ZNF516: variants seen among roughly 807,000 people sequenced by gnomAD.
ZNF516 encodes zinc finger protein 516.
A neutral mutation model predicts 79.7 loss-of-function variants in ZNF516; 19 were observed. The ratio of observed to expected loss-of-function variants is 0.24; its 90% confidence interval spans 0.17 to 0.35. The LOEUF (loss-of-function observed/expected upper bound fraction) is 0.35. Among genes scored for constraint, ZNF516 ranks in the 10% least tolerant of loss-of-function variants. ZNF516 has a pLI of 1.00. For synonymous variants in ZNF516, 877 were observed against 739.5 expected, an observed-to-expected ratio of 1.19 and a Z score of -3.02; for missense variants, 1,678 against 1,679.5, an observed-to-expected ratio of 1.00 and a Z score of 0.02.
chr18:76,473,355 C>CAA (rs35092154), intron 1 of ZNF516, among the ~76,000 whole-genome samples: 1,068 of 87,282 alleles, frequency 0.012, no homozygotes, highest in East Asian at 0.018. Flanking sequence ...TTGCTCTCTG[C>CAA]AAAAAAAAAA....
upstream of ZNF516, chr18:76,495,658 G>A: frequency 3.6e-6 from 4 of 1,111,042 alleles, no homozygotes; most frequent in South Asian, 1.5e-5. Flanking sequence ...CCGGCTCCCG[G>A]AGGCCGTTTC....
In ZNF516 at chr18:76,486,791, C is replaced by G. The variant is rs865927421; in HGVS notation, c.-272+8353G>C. Among the ~76,000 whole-genome samples, 15 of 151,966 alleles carry G rather than the reference C, an allele frequency of 9.9e-5. 1 individual carries two copies. The highest frequency in any genetic ancestry group is 2.1e-4 in the South Asian group (1 of 4,828). ...CAGTTGAGGAACTGTCTGGATTTCA[C>G]AATTACATACGATATACATCTCTTC... On this transcript the variant is annotated intron_variant, in intron 1 of 6. Transcript: ENST00000443185.
At chr18:76,397,258 A>G (rs2075160030) in intron 3 of ZNF516, among the ~76,000 whole-genome samples, 1 of 152,208 alleles carries the variant, frequency 6.6e-6, no homozygotes, top group African/African-American at 2.4e-5. Flanking sequence ...ATACAGAATA[A>G]TAAACGCTGC....
At chr18:76,450,186 G>GT (rs967762290) in intron 2 of ZNF516, among the ~76,000 whole-genome samples, 2 of 141,254 alleles carry the variant, frequency 1.4e-5, no homozygotes, top group African/African-American at 2.6e-5. Flanking sequence ...GAAACTAAAG[G>GT]GGGGGGGGTG....
intron 3 of ZNF516, among the ~76,000 whole-genome samples, chr18:76,390,630 G>A (rs979574905): frequency 9.2e-5 from 14 of 152,200 alleles, no homozygotes; most frequent in Admixed American, 8.5e-4. Flanking sequence ...AGTCTCCGAG[G>A]AAACGAGGGG....
intron 3 of ZNF516, among the ~76,000 whole-genome samples, chr18:76,384,258 C>T (rs1317368187): frequency 6.6e-6 from 1 of 151,388 alleles, no homozygotes; most frequent in Admixed American, 6.6e-5. Context: ...ACCCGTGCCC[C>T]CTCCACGGCC....
intron 3 of ZNF516, among the ~76,000 whole-genome samples, chr18:76,417,021 G>T (rs562277704): frequency 6.6e-6 from 1 of 152,184 alleles, no homozygotes; most frequent in African/African-American, 2.4e-5. Context: ...AGAATACAGG[G>T]TCAGGGCGAT....
chr18:76,479,485 G>C (rs2145772874), intron 1 of ZNF516, among the ~76,000 whole-genome samples: 1 of 152,284 alleles, frequency 6.6e-6, no homozygotes, highest in South Asian at 2.1e-4. Context: ...TGTCCCTGGG[G>C]CACGGTCCTC....
At chr18:76,438,533 C>CT (rs1253229512) in intron 3 of ZNF516, among the ~76,000 whole-genome samples, 2 of 152,144 alleles carry the variant, frequency 1.3e-5, no homozygotes, top group African/African-American at 4.8e-5. Flanking sequence ...CAATGACTGA[C>CT]TTTTTTTCCA....
chr18:76,389,334 G>C (rs1053308357), intron 3 of ZNF516: 4 of 152,034 alleles, frequency 2.6e-5, no homozygotes, highest in African/African-American at 9.7e-5. Context: ...AGATTGAGGA[G>C]GGCTGGGTAA....
In ZNF516 at chr18:76,464,328, T is replaced by C. The variant is rs1013710520; in HGVS notation, c.-271-1187A>G. 7.2e-5 allele frequency among the ~76,000 whole-genome samples: 11 copies of C among 152,246 alleles called. No individual in the cohort carries two copies. The East Asian group carries it at 1.7e-3, about 24-fold the overall frequency. ...TGCAGGTTGCAGTGAGTCGAGATCA[T>C]ACCACTGCACTCCAGGCTGGGCGAC... On this transcript the variant is annotated intron_variant, in intron 1 of 6. Coordinates refer to ENST00000443185, the MANE Select transcript of ZNF516 (RefSeq NM_014643.4).
chr18:76,447,237 G>A (rs921587781), intron 2 of ZNF516, among the ~76,000 whole-genome samples: 4 of 152,210 alleles, frequency 2.6e-5, no homozygotes, highest in African/African-American at 9.6e-5. Context: ...ATGGGCGGCC[G>A]CCCCAATTAG....
intron 1 of ZNF516, among the ~76,000 whole-genome samples, chr18:76,463,979 C>T (rs1430209899): frequency 6.6e-6 from 1 of 152,204 alleles, no homozygotes; most frequent in African/African-American, 2.4e-5. Context: ...CTCCCCATCA[C>T]TTCCCGTTCT....
chr18:76,430,215 T>C (rs995094954), intron 3 of ZNF516, among the ~76,000 whole-genome samples: 40 of 152,328 alleles, frequency 2.6e-4, no homozygotes, highest in African/African-American at 9.6e-4. Context: ...TCCATCATTT[T>C]TGAAAAAGTA....
intron 4 of ZNF516, among the ~76,000 whole-genome samples, 151 bp from the exon 5 acceptor site, chr18:76,371,722 C>T (rs1011371062): frequency 5.9e-5 from 9 of 152,218 alleles, no homozygotes; most frequent in Admixed American, 5.9e-4. Context: ...CTGGTGACAA[C>T]TGTCAGCCTT....
At chr18:76,374,931 A>C (rs1479889771) in intron 4 of ZNF516, among the ~76,000 whole-genome samples, 2 of 152,238 alleles carry the variant, frequency 1.3e-5, no homozygotes, top group African/African-American at 4.8e-5. Context: ...GGAAGGAATG[A>C]AACAAGATTC....
intron 1 of ZNF516, among the ~76,000 whole-genome samples, chr18:76,466,180 G>T (rs79606695): frequency 0.018 from 2,751 of 152,220 alleles, 41 homozygotes; most frequent in African/African-American, 0.037. Flanking sequence ...CTCCGGGAGA[G>T]ATTTGATTTA....
Position 76,379,301 on chromosome 18 carries a change from C to T in ZNF516, c.2813G>A (p.Arg938Gln), listed in dbSNP as rs996297898. The change falls in exon 4 of 7, where the codon CGG (arginine) becomes CAG (glutamine). Residue 938 changes from arginine to glutamine, a missense_variant. Physicochemically the swap from Arg to Gln is conservative, Grantham distance 43. Around this residue, in one of 5 missense-constraint regions of ZNF516, gnomAD observed 1,294 missense variants for 1,248.3 expected, o/e 1.04. Coordinates refer to ENST00000443185, the MANE Select transcript of ZNF516 (RefSeq NM_014643.4). ...SATPTPTVIA[R>Q]AGAQPSANSK... ...ATTGGCCGAGGGCTGCGCGCCAGCC[C>T]GGGCGATGACGGTGGGCGTAGGGGT... is the stretch of plus-strand genomic sequence containing the variant. 5 of 1,606,972 alleles carry T rather than the reference C, an allele frequency of 3.1e-6. No individual in the cohort carries two copies. The highest frequency in any genetic ancestry group is 1.3e-5 in the African/African-American group (1 of 74,682).
intron 3 of ZNF516, among the ~76,000 whole-genome samples, chr18:76,381,231 C>T (rs1266345054): frequency 6.6e-6 from 1 of 152,208 alleles, no homozygotes. Flanking sequence ...GACTGTACTG[C>T]AAGTGGACAC....
Sources: gnomAD v4.1 joint callset for allele counts (sites outside exome capture counted in the v4.1 genomes callset) on GRCh38, gnomAD v4.1.1 for gene constraint, gnomAD v4.1.1 regional missense constraint, MANE v1.5 for transcripts, NCBI Gene and HGNC (gene_info 2026-07-23, HGNC 2026-07-21) for gene names.